Variants in TMEM117 observed in about 807,000 individuals in gnomAD.
TMEM117 encodes transmembrane protein 117.
In TMEM117, 27 loss-of-function variants were observed where a neutral mutation model predicts 52.4. The observed-to-expected ratio is 0.51, with a 90% CI of 0.38 to 0.71. The LOEUF (loss-of-function observed/expected upper bound fraction) is 0.71. Among genes scored for constraint, TMEM117 ranks in the 30% least tolerant of loss-of-function variants. The probability of loss-of-function intolerance (pLI) is 0.00; values close to 1 mark genes in which losing one functional copy is unlikely to be tolerated. For synonymous variants in TMEM117, 215 were observed against 206.3 expected (o/e 1.04, Z -0.36); for missense variants, 556 against 630.5 (o/e 0.88, Z 1.26).
Position 44,299,715 on chromosome 12 carries a change from C to G in TMEM117, c.744C>G (p.Val248=). Reference sequence around the variant, plus strand: ...CATTCCTTGCTTCTTTTATCTTGGTCTTTGACCTTCTTATTGTGATGCAGG... The same window carrying G: ...CATTCCTTGCTTCTTTTATCTTGGTGTTTGACCTTCTTATTGTGATGCAGG... The part of the protein sequence containing the change: ...SRAFLASFIL[V]FDLLIVMQDW... The change falls in exon 6 of 8, where the codon GTC becomes GTG. Residue 248 remains valine, a synonymous_variant. Coordinates refer to ENST00000266534, the MANE Select transcript of TMEM117 (RefSeq NM_032256.3). The G allele has an allele frequency of 6.2e-7, 1 of 1,614,134 alleles. No individual in the cohort carries two copies. Among genetic ancestry groups the G allele is most frequent in the Admixed American group, 1.7e-5 (1 of 60,016 alleles).
chr12:44,251,057 T>C (rs766752214), intron 5 of TMEM117, among the ~76,000 whole-genome samples: 28 of 152,070 alleles, frequency 1.8e-4, no homozygotes, highest in Non-Finnish European at 4.0e-4. Flanking sequence ...ACATGATTGC[T>C]CTGGTGCACG....
chr12:44,122,048 C>CTTTTTTTTTT (rs201865850), intron 3 of TMEM117, among the ~76,000 whole-genome samples: 1 of 138,816 alleles, frequency 7.2e-6, no homozygotes, highest in Non-Finnish European at 1.6e-5. Context: ...CTTTTCTTTT[C>CTTTTTTTTTT]TTTTTTTTTT....
the TMEM117 span, among the ~76,000 whole-genome samples, chr12:43,823,315 T>C: frequency 6.6e-6 from 1 of 152,110 alleles, no homozygotes; most frequent in Non-Finnish European, 1.5e-5. Flanking sequence ...AGTTCACAGA[T>C]AGAAAAGGTA....
chr12:44,356,693 T>C (rs1474798716), intron 6 of TMEM117, among the ~76,000 whole-genome samples: 1 of 152,104 alleles, frequency 6.6e-6, no homozygotes, highest in African/African-American at 2.4e-5. Context: ...AGATTTACTT[T>C]TTCCTTCTCC....
intron 1 of TMEM117, 25 bp downstream of exon 1, chr12:43,836,221 G>T (rs888466928): frequency 1.3e-5 from 2 of 152,236 alleles, no homozygotes; most frequent in Non-Finnish European, 2.9e-5. Context: ...CCGGGCGTTG[G>T]GCGAGCCTCC....
chr12:44,241,409 G>A (rs987623599), intron 5 of TMEM117, among the ~76,000 whole-genome samples: 1 of 151,558 alleles, frequency 6.6e-6, no homozygotes, highest in Admixed American at 6.6e-5. Flanking sequence ...GTGATTCCTT[G>A]TTGTTTTAAT....
At chr12:43,983,056 G>T (rs778967610) in intron 3 of TMEM117, among the ~76,000 whole-genome samples, 11 of 152,150 alleles carry the variant, frequency 7.2e-5, no homozygotes, top group Admixed American at 2.6e-4. Context: ...CATTTTATTT[G>T]ATTGCTGATC....
intron 2 of TMEM117, among the ~76,000 whole-genome samples, chr12:43,870,608 A>G (rs1334230287): frequency 6.6e-6 from 1 of 152,010 alleles, no homozygotes; most frequent in East Asian, 1.9e-4. Flanking sequence ...TTGGGTATAT[A>G]CCCAGTTATA....
At chr12:44,246,408 C>G (rs182761591) in intron 5 of TMEM117, among the ~76,000 whole-genome samples, 77 of 152,234 alleles carry the variant, frequency 5.1e-4, no homozygotes, top group African/African-American at 1.8e-3. Context: ...TTATGCTCTT[C>G]TTAAAGAAGA....
At chr12:44,127,197 G>A (rs942484383) in intron 3 of TMEM117, among the ~76,000 whole-genome samples, 5 of 152,120 alleles carry the variant, frequency 3.3e-5, no homozygotes, top group African/African-American at 1.2e-4. Context: ...TGTGTCATAT[G>A]TTGATAGGCA....
chr12:44,018,404 T>C (rs1347555899), intron 3 of TMEM117, among the ~76,000 whole-genome samples: 2 of 152,200 alleles, frequency 1.3e-5, no homozygotes, highest in Admixed American at 1.3e-4. Flanking sequence ...TTGCAAGTGT[T>C]CTAAGCATGC....
intron 4 of TMEM117, among the ~76,000 whole-genome samples, chr12:44,202,204 A>G (rs1016678546): frequency 6.6e-6 from 1 of 152,174 alleles, no homozygotes; most frequent in Non-Finnish European, 1.5e-5. Context: ...ATCTAAATAA[A>G]TAGAAAATAT....
intron 5 of TMEM117, among the ~76,000 whole-genome samples, chr12:44,263,166 T>C (rs2138545218): frequency 6.6e-6 from 1 of 152,358 alleles, no homozygotes; most frequent in Non-Finnish European, 1.5e-5. Context: ...AAATAAATTC[T>C]GTTGCTTTTA....
the TMEM117 span, among the ~76,000 whole-genome samples, chr12:43,828,131 T>C: frequency 6.6e-6 from 1 of 152,236 alleles, no homozygotes; most frequent in East Asian, 1.9e-4. Context: ...AAGTTTGTGG[T>C]AATTTGTTAC....
chr12:43,838,647 A>C (rs1943070891), intron 1 of TMEM117, among the ~76,000 whole-genome samples: 1 of 144,186 alleles, frequency 6.9e-6, no homozygotes, highest in Admixed American at 7.4e-5. Flanking sequence ...GGCCTACTAG[A>C]TTCAAGTCAT....
At chr12:44,223,245 A>C (rs73102927) in intron 5 of TMEM117, among the ~76,000 whole-genome samples, 16,113 of 152,016 alleles carry the variant, frequency 0.11, 941 homozygotes, top group Middle Eastern at 0.19. Context: ...CACATAGATG[A>C]ATAGAAGGGA....
chr12:44,125,587 T>C (rs1456159534), intron 3 of TMEM117, among the ~76,000 whole-genome samples: 1 of 152,180 alleles, frequency 6.6e-6, no homozygotes, highest in African/African-American at 2.4e-5. Flanking sequence ...CTGATTGTAT[T>C]TATTTGAATC....
At chr12:44,254,649 G>T (rs940372009) in intron 5 of TMEM117, among the ~76,000 whole-genome samples, 3 of 149,532 alleles carry the variant, frequency 2.0e-5, no homozygotes, top group Non-Finnish European at 3.0e-5. Context: ...GAAAGTACCA[G>T]ATATATATAT....
intron 6 of TMEM117, among the ~76,000 whole-genome samples, chr12:44,346,665 A>C: frequency 6.6e-6 from 1 of 152,094 alleles, no homozygotes; most frequent in East Asian, 1.9e-4. Flanking sequence ...TATGTTGCCA[A>C]GTTGTACCTC....
Sources: allele counts gnomAD v4.1 joint callset (sites outside exome capture counted in the v4.1 genomes callset), GRCh38; gene constraint gnomAD v4.1.1; transcripts MANE v1.5; gene names NCBI Gene and HGNC (gene_info 2026-07-23, HGNC 2026-07-21).